TTC34: variants seen among roughly 807,000 people sequenced by gnomAD.
The protein encoded by TTC34 is tetratricopeptide repeat protein 34.
A neutral mutation model predicts 40.7 loss-of-function variants in TTC34; 44 were observed. The observed-to-expected ratio is 1.08, with a 90% confidence interval of 0.85 to 1.39. TTC34 has a LOEUF of 1.39. Ranked by LOEUF, TTC34 falls within the 40% of genes most tolerant of loss-of-function variation. TTC34 has a pLI of 0.00. For synonymous variants in TTC34, 422 were observed against 398.6 expected, an observed-to-expected ratio of 1.06 and a Z score of -0.70; for missense variants, 884 against 838.0, an observed-to-expected ratio of 1.05 and a Z score of -0.68.
At chr1:2,775,566 A>G (rs1258581365) in intron 6 of TTC34, 1 of 148,418 alleles carries the variant, frequency 6.7e-6, no homozygotes, top group Non-Finnish European at 1.5e-5. Flanking sequence ...CAAGGTGGGC[A>G]TCCGATGGCA....
At chr1:2,785,457 A>T (rs1472240198) in intron 5 of TTC34, among the ~76,000 whole-genome samples, 1 of 152,086 alleles carries the variant, frequency 6.6e-6, no homozygotes, top group Non-Finnish European at 1.5e-5. Flanking sequence ...GGAGCCTGTC[A>T]CTATTTCTAG....
At chr1:2,675,542 AGC>A (rs1639878539) in intron 6 of TTC34, among the ~76,000 whole-genome samples, 1 of 133,122 alleles carries the variant, frequency 7.5e-6, no homozygotes, top group Non-Finnish European at 1.6e-5. Flanking sequence ...CGCACGTGAC[AGC>A]CTGGAAGAGC....
chr1:2,685,996 A>C (rs1640322921), intron 6 of TTC34, among the ~76,000 whole-genome samples: 7 of 96,918 alleles, frequency 7.2e-5, no homozygotes, highest in South Asian at 3.4e-4. Flanking sequence ...ATCAGCACCC[A>C]CACCCCCAGG....
At chr1:2,695,842 G>GTGAACATCACACAGCC (rs1640839288) in intron 6 of TTC34, among the ~76,000 whole-genome samples, 1 of 125,004 alleles carries the variant, frequency 8.0e-6, no homozygotes, top group Admixed American at 8.0e-5. Flanking sequence ...ACACCCCCAG[G>GTGAACATCACACAGCC]TGAACATCCG....
chr1:2,692,125 G>C (rs1042714381), intron 6 of TTC34, among the ~76,000 whole-genome samples: 2 of 102,262 alleles, frequency 2.0e-5, no homozygotes, highest in Non-Finnish European at 4.2e-5. Flanking sequence ...GCATCTGACA[G>C]CCTGGGTCGG....
chr1:2,674,156 A>AC (rs1375068808), intron 6 of TTC34, among the ~76,000 whole-genome samples: 2 of 80,782 alleles, frequency 2.5e-5, no homozygotes, highest in African/African-American at 8.6e-5. Flanking sequence ...CAGCACCCAC[A>AC]CCCCCAGGGG....
At chr1:2,790,395 CG>C (rs764025871) in intron 2 of TTC34, 49 bp from the exon 3 acceptor site, 1 of 398,326 alleles carries the variant, frequency 2.5e-6, no homozygotes, top group Middle Eastern at 6.3e-4. Context: ...GCCGACTCCC[CG>C]GGGGTGCCAC....
intron 6 of TTC34, among the ~76,000 whole-genome samples, chr1:2,700,757 C>G (rs76317870): frequency 1.2e-5 from 1 of 83,736 alleles, no homozygotes; most frequent in Non-Finnish European, 2.9e-5. Context: ...GAGCATCTGA[C>G]AGCCTGGAAA....
intron 6 of TTC34, among the ~76,000 whole-genome samples, chr1:2,759,820 T>G (rs1440344139): frequency 1.9e-3 from 200 of 106,948 alleles, no homozygotes; most frequent in Middle Eastern, 9.4e-3. Flanking sequence ...GCATCTGACA[T>G]CCTGGAGCAG....
chr1:2,754,794 T>C (rs1488874457), intron 6 of TTC34, among the ~76,000 whole-genome samples: 3 of 136,668 alleles, frequency 2.2e-5, no homozygotes, highest in African/African-American at 6.0e-5. Context: ...GGTGAGCATC[T>C]GACAGCCTGG....
chr1:2,694,060 AC>A (rs1640749382), intron 6 of TTC34, among the ~76,000 whole-genome samples: 1 of 141,074 alleles, frequency 7.1e-6, no homozygotes, highest in African/African-American at 2.7e-5. Flanking sequence ...ACGTAACAGC[AC>A]CCACACACCC....
chr1:2,749,452 G>T (rs1641245888), intron 6 of TTC34, among the ~76,000 whole-genome samples: 1 of 106,814 alleles, frequency 9.4e-6, no homozygotes, highest in African/African-American at 4.0e-5. Context: ...ACCCCCAGGT[G>T]AGCATCTGAC....
rs1050915786 is a variant in TTC34, at chr1:2,800,399, G to A, written c.429C>T (p.Arg143=). ...CCCCGGACAGGACCCAGGCGAGGGC[G>A]CGGGTCAGCCGCAGCTCCAGGACTT... The change falls in exon 2 of 9, where the codon CGC becomes CGT. Residue 143 remains arginine (R), a synonymous_variant. Transcript: ENST00000401095. The A allele has an allele frequency of 2.8e-5, 11 of 398,484 alleles. No individual in the cohort carries two copies. In the South Asian group the frequency reaches 6.4e-4, roughly 23 times the overall value. 24.7% of individuals were successfully genotyped at this position (398,484 alleles called of 1,614,324 possible).
intron 6 of TTC34, among the ~76,000 whole-genome samples, chr1:2,749,461 ACGGCC>A (rs1641246418): frequency 2.8e-5 from 3 of 106,740 alleles, no homozygotes; most frequent in African/African-American, 8.7e-5. Context: ...TGAGCATCTG[ACGGCC>A]TGGAACAGCA....
exon 9 of TTC34, chr1:2,641,341 T>C (rs1638897244): frequency 6.8e-7 from 1 of 1,463,170 alleles, no homozygotes; most frequent in African/African-American, 1.4e-5. Flanking sequence ...GGCCCCGTGA[T>C]TAGGGCTGGG....
Position 2,641,908 on chromosome 1 carries a change from CACAG to C in TTC34, c.2713-17_2713-14del. The C allele has an allele frequency of 6.8e-7, 1 of 1,459,906 alleles. No homozygotes were observed. The highest frequency in any genetic ancestry group is 1.4e-5 in the South Asian group (1 of 72,314). 90.4% of individuals were successfully genotyped at this position (1,459,906 alleles called of 1,614,324 possible). A position where few individuals can be genotyped will look rare whatever the true frequency, so the allele number is the denominator to read the frequency against. On this transcript the variant is annotated splice_polypyrimidine_tract_variant and intron_variant, in intron 8 of 8. Transcript: ENST00000401095. ...CCTGGGCCGCCGCCTGCACAGAGGA[CACAG>C]AGAGAGGCAGGGAGAGTGGGGTCAG...
At chr1:2,800,684 A>C in exon 2 of TTC34, 1 of 398,494 alleles carries the variant, frequency 2.5e-6, no homozygotes. Context: ...GGGCCAGGGC[A>C]GTGCGCACAC....
Position 2,796,602 on chromosome 1 carries a change from A to AC in TTC34, c.784+3441dup, listed in dbSNP as rs1163909953. Among the ~76,000 whole-genome samples the AC allele has an allele frequency of 1.3e-5, 2 of 151,498 alleles. No homozygotes were observed. The highest frequency in any genetic ancestry group is 2.9e-5 in the Non-Finnish European group (2 of 67,902). ...GATTTCTGCAGAGAGCTTTAGTGTG[A>AC]CCCCCACCCACACCCTTAAGTCATG... On this transcript the variant is annotated intron_variant, in intron 2 of 8. Coordinates refer to ENST00000401095, the Ensembl canonical transcript of TTC34. The surrounding 1 kb of genome is among the most constrained non-coding windows in gnomAD (Gnocchi z 4.5).
chr1:2,772,570 C>A (rs867003109), intron 6 of TTC34, among the ~76,000 whole-genome samples: 11 of 15,164 alleles, frequency 7.3e-4, no homozygotes, highest in Middle Eastern at 0.028. Context: ...AGCACCCACA[C>A]CCCCAGGTGA....
Sources: gnomAD v4.1 joint callset for allele counts (sites outside exome capture counted in the v4.1 genomes callset) on GRCh38, gnomAD v4.1.1 for gene constraint, Gnocchi (gnomAD v3.1) non-coding constraint, MANE v1.5 for transcripts, NCBI Gene and HGNC (gene_info 2026-07-23, HGNC 2026-07-21) for gene names.